ZNF300: variants seen among roughly 807,000 people sequenced by gnomAD.
The protein encoded by ZNF300 is kruppel-like zinc finger protein.
Under a neutral mutation model 13.9 loss-of-function variants are expected in ZNF300, and 6 were observed. That is an observed-to-expected ratio of 0.43 (90% CI 0.24 to 0.85). The LOEUF is 0.85. Among genes scored for constraint, ZNF300 ranks in the 40% least tolerant of loss-of-function variants. ZNF300 has a pLI of 0.25. For missense variants in ZNF300, 662 were observed against 714.2 expected (o/e 0.93, Z 0.83); for synonymous variants, 237 against 242.2 (o/e 0.98, Z 0.20).
chr5:150,899,811 GTAT>G (rs770391536), intron 3 of ZNF300, among the ~76,000 whole-genome samples: 42 of 152,158 alleles, frequency 2.8e-4, no homozygotes, highest in Non-Finnish European at 5.0e-4. Flanking sequence ...ATAGTGATCT[GTAT>G]TATTTTAAAT....
intron 5 of ZNF300, 110 bp downstream of exon 5, chr5:150,897,952 A>G (rs1247776469): frequency 7.5e-7 from 1 of 1,328,910 alleles, no homozygotes; most frequent in East Asian, 2.3e-5. Context: ...TTGTTGAGTG[A>G]CTACTAAATT....
chr5:150,899,899 A>G (rs1754932588), intron 3 of ZNF300, among the ~76,000 whole-genome samples: 1 of 152,096 alleles, frequency 6.6e-6, no homozygotes, highest in African/African-American at 2.4e-5. Flanking sequence ...GATTATTTCA[A>G]ATGTCAACAT....
At chr5:150,898,299 A>T in intron 4 of ZNF300, 115 bp from the exon 5 acceptor site, 1 of 1,588,964 alleles carries the variant, frequency 6.3e-7, no homozygotes, top group Non-Finnish European at 8.6e-7. Context: ...CAAAGGCATA[A>T]CCTCCATTTG....
chr5:150,897,625 C>T (rs1754841003), intron 5 of ZNF300: 1 of 166,338 alleles, frequency 6.0e-6, no homozygotes, highest in East Asian at 1.8e-4. Context: ...CTCCTTCAGC[C>T]TCATCAGCAT....
At position 150,895,629 on chromosome 5, in the gene ZNF300, G is replaced by A. The variant is rs149776982; in HGVS notation, c.1610C>T (p.Pro537Leu). The change falls in exon 6 of 6, where the codon CCG becomes CTG. Residue 537 changes from proline (P) to leucine (L), a missense_variant. Coordinates refer to ENST00000274599, the MANE Select transcript of ZNF300 (RefSeq NM_052860.4). Reference sequence around the variant, plus strand: ...TCCTGTATGAATTCGCTGGTGTCCCGGAAGGTGGGACTTCTGAGAGAAGGC... The same window carrying A: ...TCCTGTATGAATTCGCTGGTGTCCCAGAAGGTGGGACTTCTGAGAGAAGGC... ...GKAFSQKSHLPGHQRIHTGEK... is the reference protein window; with the variant it reads ...GKAFSQKSHLLGHQRIHTGEK... The A allele has an allele frequency of 1.6e-4, 263 of 1,613,038 alleles. 2 individuals carry two copies. The South Asian group carries it at 2.1e-3, about 13-fold the overall frequency.
chr5:150,898,836 A>C (rs1341161328), intron 3 of ZNF300, among the ~76,000 whole-genome samples: 1 of 152,072 alleles, frequency 6.6e-6, no homozygotes, highest in Non-Finnish European at 1.5e-5. Context: ...AACAATGAAT[A>C]GTAAAGAGGA....
In ZNF300 at chr5:150,896,638, G is replaced by A. The variant is rs764668312; in HGVS notation, c.601C>T (p.Pro201Ser). 1.9e-6 allele frequency: 3 copies of A among 1,613,524 alleles called. No individual in the cohort carries two copies. The highest frequency in any genetic ancestry group is 2.5e-6 in the Non-Finnish European group (3 of 1,179,764). The change falls in exon 6 of 6, where the codon CCG becomes TCG. Residue 201 changes from proline (P) to serine (S), a missense_variant. Pro to Ser is a moderately conservative substitution (Grantham distance 74). Coordinates refer to ENST00000274599, the MANE Select transcript of ZNF300 (RefSeq NM_052860.4). ...KKNLKPNIDL[P>S]SCYKSNSRKK... ...CTTGAATTGCTCTTATAACAACTCG[G>A]TAGGTCAATATTTGGTTTTAAGTTC...
chr5:150,904,018 T>A (rs540468839), intron 1 of ZNF300, 41 bp from the exon 2 acceptor site: 11 of 152,488 alleles, frequency 7.2e-5, no homozygotes, highest in African/African-American at 2.6e-4. Context: ...CATCTCTGGA[T>A]ATCCCGCAGA....
chr5:150,903,112 A>AT (rs111355487), intron 3 of ZNF300, 29 bp downstream of exon 3: 187,600 of 1,179,642 alleles, frequency 0.16, 2,179 homozygotes, highest in East Asian at 0.34. Flanking sequence ...CCAAAGAAGA[A>AT]TTTTTTTTTT....
intron 2 of ZNF300, 68 bp from the exon 3 acceptor site, chr5:150,903,250 C>A: frequency 6.2e-7 from 1 of 1,611,358 alleles, no homozygotes; most frequent in Non-Finnish European, 8.5e-7. Context: ...CTTTCACATT[C>A]ACCAATCTTG....
intron 3 of ZNF300, among the ~76,000 whole-genome samples, chr5:150,902,172 C>T (rs910126863): frequency 3.9e-5 from 6 of 151,992 alleles, no homozygotes; most frequent in African/African-American, 1.2e-4. Flanking sequence ...TATGCCAATG[C>T]TGGCAGAAAG....
intron 5 of ZNF300, chr5:150,897,392 A>G (rs1051286341): frequency 6.3e-6 from 1 of 158,412 alleles, no homozygotes; most frequent in African/African-American, 2.4e-5. Context: ...TCCTCCATCT[A>G]TTTTCCTAAC....
intron 3 of ZNF300, chr5:150,900,620 C>T (rs1754962019): frequency 6.6e-6 from 1 of 152,038 alleles, no homozygotes; most frequent in South Asian, 2.1e-4. Context: ...CGTAAATCTG[C>T]TCAGGATATT....
Position 150,900,570 on chromosome 5 carries a change from A to G in ZNF300, c.16-2016T>C, listed in dbSNP as rs563227358. On this transcript the variant is annotated intron_variant, in intron 3 of 5. Coordinates refer to ENST00000274599, the MANE Select transcript of ZNF300 (RefSeq NM_052860.4). Reference sequence around the variant, plus strand: ...CCGATGTGTTAATGTTGGTTTCTACATCTCTTTTTTCTCTGCAGTCCTTCC... The same window carrying G: ...CCGATGTGTTAATGTTGGTTTCTACGTCTCTTTTTTCTCTGCAGTCCTTCC... The G allele has an allele frequency of 8.5e-5, 13 of 152,202 alleles. No individual in the cohort carries two copies. The South Asian group carries it at 2.7e-3, about 32-fold the overall frequency. 9.4% of individuals were successfully genotyped at this position (152,202 alleles called of 1,614,324 possible).
In ZNF300 at chr5:150,895,600, T is replaced by A; in HGVS notation, c.1639A>T (p.Lys547Ter). Residue 547 changes from lysine (K) to a stop codon, truncating the protein, a stop_gained, in exon 6 of 6, where the codon AAA becomes TAA. Transcript: ENST00000274599. LOFTEE classifies it low-confidence loss of function (END_TRUNC). ...CCACATTCAGCACATATGTAAGGTTTCTCTCCTGTATGAATTCGCTGGTGT... is the reference window on the plus strand; with the variant it reads ...CCACATTCAGCACATATGTAAGGTTACTCTCCTGTATGAATTCGCTGGTGT... ...PGHQRIHTGE[K>*]PYICAECGKA... 1 of 1,613,526 alleles carries A rather than the reference T, an allele frequency of 6.2e-7. No individual in the cohort carries two copies. The highest frequency in any genetic ancestry group is 8.5e-7 in the Non-Finnish European group (1 of 1,179,736).
At chr5:150,903,312 G>A (rs1416630913) in intron 2 of ZNF300, 130 bp from the exon 3 acceptor site, 2 of 1,573,274 alleles carry the variant, frequency 1.3e-6, no homozygotes, top group African/African-American at 1.4e-5. Context: ...TGTGGGATAA[G>A]GTTGTTTGAG....
At position 150,895,933 on chromosome 5, in the gene ZNF300, G is replaced by C; in HGVS notation, c.1306C>G (p.Pro436Ala). The C allele has an allele frequency of 6.2e-7, 1 of 1,613,424 alleles. No homozygotes were observed. The highest frequency in any genetic ancestry group is 8.5e-7 in the Non-Finnish European group (1 of 1,179,802). The change falls in exon 6 of 6, where the codon CCC becomes GCC. Residue 436 changes from proline (P) to alanine (A), a missense_variant. By Grantham distance (27) the Pro-to-Ala change is conservative. Coordinates refer to ENST00000274599, the MANE Select transcript of ZNF300 (RefSeq NM_052860.4). ...TCCTCACATTGAGCACATTTGTAGGGTTTCTCACCAGTGTGAATTCTTTTA... is the reference window on the plus strand; with the variant it reads ...TCCTCACATTGAGCACATTTGTAGGCTTTCTCACCAGTGTGAATTCTTTTA... ...IHKRIHTGEK[P>A]YKCAQCEEAF...
chr5:150,899,697 G>T (rs961338053), intron 3 of ZNF300, among the ~76,000 whole-genome samples: 1 of 152,006 alleles, frequency 6.6e-6, no homozygotes, highest in African/African-American at 2.4e-5. Flanking sequence ...ATGAATTTGG[G>T]TAAGAGTAGA....
intron 3 of ZNF300, among the ~76,000 whole-genome samples, chr5:150,898,890 C>T (rs1291539532): frequency 6.6e-6 from 1 of 151,768 alleles, no homozygotes; most frequent in Non-Finnish European, 1.5e-5. Flanking sequence ...GTTGTATCTC[C>T]TGAATATTTA....
Sources: gnomAD v4.1 joint callset for allele counts (sites outside exome capture counted in the v4.1 genomes callset) on GRCh38, gnomAD v4.1.1 for gene constraint, MANE v1.5 for transcripts, NCBI Gene and HGNC (gene_info 2026-07-23, HGNC 2026-07-21) for gene names.